The following BLOC1S3 variants were observed in gnomAD, a reference collection of about 807,000 sequenced individuals.
BLOC1S3 encodes biogenesis of lysosome-related organelles complex 1 subunit 3.
Under a neutral mutation model 9.1 loss-of-function variants are expected in BLOC1S3, and 7 were observed. The observed-to-expected ratio is 0.77, with a 90% CI of 0.44 to 1.45. BLOC1S3 has a LOEUF of 1.45. Among genes scored for constraint, BLOC1S3 ranks in the 40% most tolerant of loss-of-function variants. The pLI, the probability that BLOC1S3 is intolerant of heterozygous loss-of-function variation, is 0.01. For synonymous variants in BLOC1S3, 145 were observed against 158.4 expected (o/e 0.92, Z 0.64); for missense variants, 307 against 315.2 (o/e 0.97, Z 0.20).
intron 3 of BLOC1S3, among the ~76,000 whole-genome samples, chr19:45,213,760 C>T (rs969718392): frequency 2.0e-5 from 3 of 150,724 alleles, no homozygotes; most frequent in Non-Finnish European, 1.5e-5. Context: ...GCCTGGCCAA[C>T]ATGGCGAAAC....
chr19:45,194,452 C>T (rs1969632523), intron 2 of BLOC1S3, among the ~76,000 whole-genome samples: 1 of 152,070 alleles, frequency 6.6e-6, no homozygotes, highest in Non-Finnish European at 1.5e-5. Flanking sequence ...TAAAAACAGA[C>T]TAATACACCC....
In BLOC1S3 at chr19:45,181,182, A is replaced by G. The variant is rs375016316; in HGVS notation, c.*1277A>G. Reference sequence around the variant, plus strand: ...CCCAAGTCCAGCAGTGTCGTGGGATAGGTTTTGCTTTCTTTTACTGTCTCC... The same window carrying G: ...CCCAAGTCCAGCAGTGTCGTGGGATGGGTTTTGCTTTCTTTTACTGTCTCC... On this transcript the variant is annotated 3_prime_UTR_variant, in exon 2 of 2. Transcript: ENST00000433642. 3.0e-5 allele frequency: 5 copies of G among 167,316 alleles called. No individual in the cohort carries two copies. The allele number at this position is 167,316 out of a possible 1,614,324, so 10.4% of individuals were successfully genotyped here.
At chr19:45,206,916 C>G (rs1297752382) in intron 3 of BLOC1S3, among the ~76,000 whole-genome samples, 1 of 152,152 alleles carries the variant, frequency 6.6e-6, no homozygotes, top group Non-Finnish European at 1.5e-5. Context: ...AGGCTCACTA[C>G]AACCTCTGCC....
chr19:45,210,505 G>A (rs1166987672), intron 3 of BLOC1S3, among the ~76,000 whole-genome samples: 3 of 151,428 alleles, frequency 2.0e-5, no homozygotes, highest in Non-Finnish European at 4.4e-5. Flanking sequence ...CTCCACGTTG[G>A]CCAGGCTGGT....
rs1417790521 is a variant in BLOC1S3, at chr19:45,192,818, C to T, written n.180+5078C>T. ...AAAACAAAGACCTCTTTATTCTTCC[C>T]GCTTATCTCCTCCAGTGTGAGGAAG... On this transcript the variant is annotated intron_variant and non_coding_transcript_variant, in intron 2 of 3. Transcript: ENST00000591569. Among the ~76,000 whole-genome samples, 10 of 152,164 alleles carry T rather than the reference C, an allele frequency of 6.6e-5. No individual in the cohort carries two copies. In the South Asian group the frequency reaches 1.0e-3, roughly 16 times the overall value.
chr19:45,205,166 T>TTGTG (rs35726807), intron 3 of BLOC1S3, among the ~76,000 whole-genome samples: 5 of 151,068 alleles, frequency 3.3e-5, no homozygotes, highest in African/African-American at 4.9e-5. Flanking sequence ...CCACAAGAAA[T>TTGTG]TGTGTGTGTG....
chr19:45,214,456 G>GTGTTTGTTTGTT (rs57770472), intron 3 of BLOC1S3, among the ~76,000 whole-genome samples: 23 of 151,328 alleles, frequency 1.5e-4, no homozygotes, highest in African/African-American at 2.7e-4. Context: ...GTTTTTTTGT[G>GTGTTTGTTTGTT]TGTTTGTTTG....
chr19:45,187,765 T>G (rs1249553942), intron 2 of BLOC1S3: 2 of 152,176 alleles, frequency 1.3e-5, no homozygotes, highest in African/African-American at 4.8e-5. Context: ...TGGGTACCTG[T>G]GGGGGATTCC....
intron 3 of BLOC1S3, among the ~76,000 whole-genome samples, chr19:45,205,198 C>T (rs1246091361): frequency 6.6e-6 from 1 of 152,048 alleles, no homozygotes; most frequent in Non-Finnish European, 1.5e-5. Context: ...CGGAGTCTTG[C>T]ACTGTCGCCC....
downstream of BLOC1S3, among the ~76,000 whole-genome samples, chr19:45,184,542 G>A (rs181949604): frequency 6.6e-3 from 1,010 of 152,250 alleles, 10 homozygotes; most frequent in African/African-American, 0.022. Flanking sequence ...GGAGGTCGAG[G>A]CTGCAGTGAG....
At chr19:45,194,932 CTT>C (rs112584333) in intron 2 of BLOC1S3, among the ~76,000 whole-genome samples, 23 of 140,106 alleles carry the variant, frequency 1.6e-4, no homozygotes, top group Admixed American at 3.6e-4. Flanking sequence ...GTGTGTTATA[CTT>C]TTTTTTTTTT....
chr19:45,193,871 C>T (rs1400391566), intron 2 of BLOC1S3, among the ~76,000 whole-genome samples: 4 of 126,158 alleles, frequency 3.2e-5, no homozygotes, highest in Non-Finnish European at 4.9e-5. Context: ...GGTGTGATCT[C>T]GGCTCACTGC....
chr19:45,198,341 G>A (rs1001473414), intron 2 of BLOC1S3, among the ~76,000 whole-genome samples: 1 of 152,182 alleles, frequency 6.6e-6, no homozygotes, highest in Non-Finnish European at 1.5e-5. Flanking sequence ...CCAGGCTCTG[G>A]AGTGCAGTGG....
intron 2 of BLOC1S3, among the ~76,000 whole-genome samples, chr19:45,195,442 AG>A (rs1318777794): frequency 1.3e-5 from 2 of 150,784 alleles, no homozygotes; most frequent in Non-Finnish European, 3.0e-5. Flanking sequence ...CCTGCACTCA[AG>A]TGATCCGCCC....
chr19:45,185,908 C>T (rs996015907), downstream of BLOC1S3, among the ~76,000 whole-genome samples: 3 of 152,052 alleles, frequency 2.0e-5, no homozygotes, highest in African/African-American at 4.8e-5. Context: ...GTCAGAAGTT[C>T]GAAACCAGCC....
chr19:45,182,270 G>A (rs1969530476), downstream of BLOC1S3, among the ~76,000 whole-genome samples: 5 of 152,186 alleles, frequency 3.3e-5, no homozygotes, highest in South Asian at 1.0e-3. Context: ...AGCTACTCAG[G>A]GAGCTGGGGC....
At chr19:45,192,803 CCT>C (rs1328509972) in intron 2 of BLOC1S3, among the ~76,000 whole-genome samples, 1 of 152,056 alleles carries the variant, frequency 6.6e-6, no homozygotes, top group Non-Finnish European at 1.5e-5. Context: ...AAAACAAAGA[CCT>C]CTTTATTCTT....
Position 45,211,814 on chromosome 19 carries a change from C to A in BLOC1S3, n.283-4862C>A, listed in dbSNP as rs561890994. Among the ~76,000 whole-genome samples the A allele has an allele frequency of 3.4e-3, 508 of 151,628 alleles. 5 individuals carry two copies. Among genetic ancestry groups the A allele is most frequent in the African/African-American group, 0.01 (426 of 41,378 alleles). ...GACTTCTCAGGGAAAAAAAAAAAAA[C>A]CACATACACACAAAAAATCCCACAA... On this transcript the variant is annotated intron_variant and non_coding_transcript_variant, in intron 3 of 3. Coordinates refer to the BLOC1S3 transcript ENST00000591569.
chr19:45,199,730 TTCTTC>T (rs909689508), intron 2 of BLOC1S3, among the ~76,000 whole-genome samples: 17 of 151,896 alleles, frequency 1.1e-4, no homozygotes, highest in Admixed American at 1.3e-4. Flanking sequence ...CTTCTCTTCT[TTCTTC>T]TCTTCTCTTC....
Sources: allele counts gnomAD v4.1 joint callset (sites outside exome capture counted in the v4.1 genomes callset), GRCh38; gene constraint gnomAD v4.1.1; transcripts MANE v1.5; gene names NCBI Gene and HGNC (gene_info 2026-07-23, HGNC 2026-07-21).